FER1L6: variants seen among roughly 807,000 people sequenced by gnomAD.
FER1L6 encodes fer-1 like family member 6, also known as fer-1-like protein 6.
A neutral mutation model predicts 219.2 loss-of-function variants in FER1L6; 177 were observed. The ratio of observed to expected loss-of-function variants is 0.81; its 90% CI spans 0.71 to 0.91. The LOEUF (loss-of-function observed/expected upper bound fraction) is 0.91. FER1L6 is among the 40% of genes least tolerant of loss of function. The probability of loss-of-function intolerance (pLI) is 0.00; values close to 1 mark genes in which losing one functional copy is unlikely to be tolerated. For synonymous variants in FER1L6, 768 were observed against 824.3 expected, an observed-to-expected ratio of 0.93 and a Z score of 1.17; for missense variants, 2,153 against 2,259.9, an observed-to-expected ratio of 0.95 and a Z score of 0.96.
In FER1L6 at chr8:124,097,233, C is replaced by A. The variant is rs371891098; in HGVS notation, c.4696-38C>A. On this transcript the variant is annotated intron_variant, in intron 35 of 40. Coordinates refer to ENST00000522917, the MANE Select transcript of FER1L6 (RefSeq NM_001039112.2). The stretch of plus-strand genomic sequence containing the variant: ...TCAATTACCCATGTCCCCTAGCCCC[C>A]TCCCAAAGCTAAAGAAGATATTTTT... The A allele has an allele frequency of 5.9e-6, 9 of 1,520,514 alleles. No individual in the cohort carries two copies. In the African/African-American group the frequency reaches 1.2e-4, roughly 21 times the overall value. The allele number at this position is 1,520,514 out of a possible 1,614,324, so 94.2% of individuals were successfully genotyped here.
intron 12 of FER1L6, among the ~76,000 whole-genome samples, chr8:123,993,460 A>AT (rs1816965534): frequency 7.2e-6 from 1 of 139,102 alleles, no homozygotes; most frequent in African/African-American, 3.1e-5. Context: ...AAAAAAAAAA[A>AT]GGAAGAATGT....
chr8:123,936,332 G>A (rs1023893513), intron 1 of FER1L6, among the ~76,000 whole-genome samples: 2 of 152,152 alleles, frequency 1.3e-5, no homozygotes, highest in Non-Finnish European at 2.9e-5. Flanking sequence ...ATTCCTCCCC[G>A]ACAGTGTGGT....
chr8:123,949,826 G>A (rs987816420), intron 1 of FER1L6, among the ~76,000 whole-genome samples: 19 of 152,142 alleles, frequency 1.2e-4, no homozygotes, highest in South Asian at 2.1e-4. Context: ...ACATGATGCC[G>A]TACTCTAATA....
chr8:124,083,162 ATTATACTCTC>A (rs973617861), intron 33 of FER1L6, among the ~76,000 whole-genome samples: 1 of 48,478 alleles, frequency 2.1e-5, no homozygotes, highest in African/African-American at 5.0e-5. Flanking sequence ...TAAACATCAA[ATTATACTCTC>A]TTAGTTATTT....
chr8:124,002,221 G>T (rs999692752), intron 12 of FER1L6, among the ~76,000 whole-genome samples: 6 of 152,222 alleles, frequency 3.9e-5, no homozygotes, highest in African/African-American at 1.2e-4. Context: ...GGTGGCTGTT[G>T]TAAGCTATTA....
intron 34 of FER1L6, among the ~76,000 whole-genome samples, chr8:124,093,753 T>G (rs552391373): frequency 9.0e-5 from 4 of 44,250 alleles, no homozygotes; most frequent in South Asian, 6.5e-4. Context: ...ATTATTGCTA[T>G]TGGGAGATTT....
In FER1L6 at chr8:123,980,821, G is replaced by C; in HGVS notation, c.1410+10G>C. 6.2e-7 allele frequency: 1 copy of C among 1,604,690 alleles called. No individual in the cohort carries two copies. ...CGATGTCCCCCCGGAGGTAGGTCTA[G>C]GCACTGCATTATGGTACTTTACCTA... is the stretch of plus-strand genomic sequence containing the variant. On this transcript the variant is annotated intron_variant, in intron 11 of 40. Coordinates refer to ENST00000522917, the MANE Select transcript of FER1L6 (RefSeq NM_001039112.2).
intron 15 of FER1L6, chr8:124,015,806 AT>A (rs1447629038): frequency 1.3e-5 from 2 of 152,306 alleles, no homozygotes; most frequent in Non-Finnish European, 2.9e-5. Context: ...ACTGAAAAAA[AT>A]ATTAGGATAA....
chr8:124,021,130 T>C (rs1228136990), intron 16 of FER1L6, among the ~76,000 whole-genome samples: 6 of 152,126 alleles, frequency 3.9e-5, no homozygotes, highest in Non-Finnish European at 8.8e-5. Flanking sequence ...TTACTCACTA[T>C]CACGAGAACA....
rs1263150267 is a variant in FER1L6, at chr8:124,094,919, C to T, written c.4576C>T (p.His1526Tyr). 2 of 1,614,134 alleles carry T rather than the reference C, an allele frequency of 1.2e-6. No individual in the cohort carries two copies. The highest frequency in any genetic ancestry group is 2.2e-5 in the South Asian group (2 of 91,078). Residue 1526 changes from histidine (H) to tyrosine (Y), a missense_variant, in exon 35 of 41, where the codon CAC becomes TAC. Coordinates refer to ENST00000522917, the MANE Select transcript of FER1L6 (RefSeq NM_001039112.2). Reference sequence around the variant, plus strand: ...AGATGAGACAGTGGAGTCTTATGAACACCTGGCCCTCAAGGTTTTACACTC... The same window carrying T: ...AGATGAGACAGTGGAGTCTTATGAATACCTGGCCCTCAAGGTTTTACACTC... Reference protein sequence around the residue: ...DTDETVESYEHLALKVLHSWE... With the variant: ...DTDETVESYEYLALKVLHSWE...
Position 123,976,057 on chromosome 8 carries a change from T to G in FER1L6, c.843T>G (p.Phe281Leu). Reference sequence around the variant, plus strand: ...ACAGTAAGGACCTGGTGGATCCCTTTGTGGAGGTCTCCTTTGCTGGGCAGA... The same window carrying G: ...ACAGTAAGGACCTGGTGGATCCCTTGGTGGAGGTCTCCTTTGCTGGGCAGA... ...VGDSKDLVDP[F>L]VEVSFAGQMG... The change falls in exon 9 of 41, where the codon TTT becomes TTG. Residue 281 changes from phenylalanine (F) to leucine (L), a missense_variant. Physicochemically the swap from Phe to Leu is conservative, Grantham distance 22. Transcript: ENST00000522917. 5 of 1,613,574 alleles carry G rather than the reference T, an allele frequency of 3.1e-6. No homozygotes were observed. Among genetic ancestry groups the G allele is most frequent in the Non-Finnish European group, 4.2e-6 (5 of 1,179,826 alleles).
At chr8:123,969,202 T>C (rs1815688228) in intron 5 of FER1L6, among the ~76,000 whole-genome samples, 1 of 152,190 alleles carries the variant, frequency 6.6e-6, no homozygotes, top group South Asian at 2.1e-4. Context: ...TCTTCAGTCT[T>C]ATCTGTAAAA....
At chr8:123,884,001 C>G (rs147317849) in intron 1 of FER1L6, among the ~76,000 whole-genome samples, 1 of 152,194 alleles carries the variant, frequency 6.6e-6, no homozygotes, top group Non-Finnish European at 1.5e-5. Context: ...ATGGTTTTTT[C>G]ATATTTTTTA....
intron 1 of FER1L6, among the ~76,000 whole-genome samples, chr8:123,889,096 A>G (rs909873998): frequency 6.6e-6 from 1 of 152,212 alleles, no homozygotes; most frequent in Non-Finnish European, 1.5e-5. Context: ...GAAGGTTATA[A>G]AACCATAAAC....
Position 124,061,996 on chromosome 8 carries a change from C to T in FER1L6, c.3292C>T (p.Pro1098Ser), listed in dbSNP as rs141168732. ...FLCKLREPLA[P>S]ITQVDGTQPG... ...GTGTAAACTCAGAGAGCCCCTTGCC[C>T]CCATCACACAGGTGGATGGAACCCA... The change falls in exon 25 of 41, where the codon CCC becomes TCC. Residue 1098 changes from proline (P) to serine (S), a missense_variant. Transcript: ENST00000522917. 3 of 1,614,160 alleles carry T rather than the reference C, an allele frequency of 1.9e-6. No homozygotes were observed. The African/African-American group carries it at 4.0e-5, about 22-fold the overall frequency.
chr8:123,968,035 C>A (rs1486702663), intron 5 of FER1L6, among the ~76,000 whole-genome samples: 1 of 151,954 alleles, frequency 6.6e-6, no homozygotes, highest in Non-Finnish European at 1.5e-5. Flanking sequence ...ATAATGAAAT[C>A]AACAGAAAAT....
chr8:124,088,667 G>A (rs1280212353), intron 33 of FER1L6, among the ~76,000 whole-genome samples: 1 of 151,978 alleles, frequency 6.6e-6, no homozygotes, highest in Non-Finnish European at 1.5e-5. Flanking sequence ...AGTACTACCT[G>A]GCTCTCACTG....
intron 37 of FER1L6, among the ~76,000 whole-genome samples, chr8:124,098,951 C>T (rs1822427318): frequency 6.6e-6 from 1 of 152,182 alleles, no homozygotes; most frequent in East Asian, 1.9e-4. Flanking sequence ...AAAAATTAGT[C>T]CTTATTGCAT....
chr8:123,969,804 C>T (rs577403216), intron 5 of FER1L6, among the ~76,000 whole-genome samples: 71 of 149,468 alleles, frequency 4.8e-4, no homozygotes, highest in African/African-American at 1.6e-3. Flanking sequence ...GAGGTTGAGG[C>T]TGCAGTGAGC....
Sources: allele counts gnomAD v4.1 joint callset (sites outside exome capture counted in the v4.1 genomes callset), GRCh38; gene constraint gnomAD v4.1.1; transcripts MANE v1.5; gene names NCBI Gene and HGNC (gene_info 2026-07-23, HGNC 2026-07-21).